Variants in LCOR observed in about 807,000 individuals in gnomAD.
LCOR encodes the protein ligand-dependent corepressor.
In LCOR, 14 loss-of-function variants were observed where a neutral mutation model predicts 64.4. The ratio of observed to expected loss-of-function variants is 0.22; its 90% CI spans 0.14 to 0.34. The LOEUF (loss-of-function observed/expected upper bound fraction) is 0.34, where lower values mean the gene tolerates loss of function less well. LCOR is among the 10% of genes least tolerant of loss of function. The pLI is 1.00. For synonymous variants in LCOR, 643 were observed against 642.5 expected, an observed-to-expected ratio of 1.00 and a Z score of -0.01; for missense variants, 1,686 against 1,765.3, an observed-to-expected ratio of 0.96 and a Z score of 0.80.
chr10:96,851,605 A>T (rs1029386720), intron 2 of LCOR, among the ~76,000 whole-genome samples: 1 of 152,202 alleles, frequency 6.6e-6, no homozygotes, highest in African/African-American at 2.4e-5. Flanking sequence ...GACTTCTAAG[A>T]CAGAAAATGT....
rs886491620 is a variant in LCOR at position 96,903,320 on chromosome 10, G to A, written c.-329-3945G>A. ...ACATTACAATGGCTGTAATCACCAA[G>A]CAGTAGGAATTTTTCAGCTCCGTTA... is the stretch of plus-strand genomic sequence containing the variant. On this transcript the variant is annotated intron_variant, in intron 2 of 7. Coordinates refer to ENST00000421806, the MANE Select transcript of LCOR (RefSeq NM_001346516.2). Among the ~76,000 whole-genome samples the A allele has an allele frequency of 1.1e-4, 17 of 152,144 alleles. 1 individual carries two copies. The highest frequency in any genetic ancestry group is 8.5e-4 in the Admixed American group (13 of 15,270).
chr10:96,862,258 A>G (rs1254529154), intron 2 of LCOR, among the ~76,000 whole-genome samples: 2 of 151,910 alleles, frequency 1.3e-5, no homozygotes, highest in East Asian at 1.9e-4. Flanking sequence ...GCTTCGTTAC[A>G]TAGACATGAT....
chr10:96,937,366 C>G (rs368930879), intron 4 of LCOR, among the ~76,000 whole-genome samples: 1 of 152,170 alleles, frequency 6.6e-6, no homozygotes, highest in Non-Finnish European at 1.5e-5. Flanking sequence ...GAGAATAAAT[C>G]TCTGCTGTTT....
At chr10:96,949,569 T>C (rs1847643245) in intron 6 of LCOR, among the ~76,000 whole-genome samples, 1 of 152,228 alleles carries the variant, frequency 6.6e-6, no homozygotes, top group African/African-American at 2.4e-5. Flanking sequence ...GATATTTATA[T>C]AAGCATTTTA....
In LCOR at chr10:96,994,346, C is replaced by A. The variant is rs996603075; in HGVS notation, c.*9212C>A. 1 of 152,210 alleles carries A rather than the reference C, an allele frequency of 6.6e-6. No homozygotes were observed. Among genetic ancestry groups the A allele is most frequent in the Non-Finnish European group, 1.5e-5 (1 of 68,050 alleles). The allele number at this position is 152,210 out of a possible 1,614,324, so 9.4% of individuals were successfully genotyped here. ...ACCATGTAGGTCAGTATAAAGAGGG[C>A]AGTCACTCCTCCATTTCTCCCAGCG... On this transcript the variant is annotated 3_prime_UTR_variant, in exon 8 of 8. Coordinates refer to ENST00000421806, the MANE Select transcript of LCOR (RefSeq NM_001346516.2).
chr10:96,915,368 A>G (rs1353141422), intron 4 of LCOR, among the ~76,000 whole-genome samples: 1 of 152,084 alleles, frequency 6.6e-6, no homozygotes, highest in African/African-American at 2.4e-5. Flanking sequence ...AAAATACAAA[A>G]AAATTAGCCA....
At chr10:96,844,296 A>G (rs1845591554) in intron 2 of LCOR, among the ~76,000 whole-genome samples, 1 of 151,500 alleles carries the variant, frequency 6.6e-6, no homozygotes, top group African/African-American at 2.4e-5. Context: ...GACTATGGGT[A>G]TACTCCATGG....
chr10:96,914,662 G>T (rs1325865313), intron 4 of LCOR, among the ~76,000 whole-genome samples: 1 of 152,166 alleles, frequency 6.6e-6, no homozygotes, highest in African/African-American at 2.4e-5. Flanking sequence ...TTCTTCAGTG[G>T]ACTACCAAAA....
At chr10:96,965,211 A>G (rs777723077) in intron 7 of LCOR, among the ~76,000 whole-genome samples, 27 of 151,016 alleles carry the variant, frequency 1.8e-4, no homozygotes, top group Non-Finnish European at 3.0e-4. Flanking sequence ...GAGTTTCACA[A>G]TGTTAGCCAG....
intron 2 of LCOR, among the ~76,000 whole-genome samples, chr10:96,841,782 T>C (rs531724516): frequency 2.2e-4 from 33 of 151,840 alleles, no homozygotes; most frequent in Non-Finnish European, 3.4e-4. Context: ...TAAAAAAATA[T>C]AGAGATGAGG....
At chr10:96,842,660 TG>T (rs1359214519) in intron 2 of LCOR, among the ~76,000 whole-genome samples, 2 of 150,442 alleles carry the variant, frequency 1.3e-5, no homozygotes, top group African/African-American at 4.9e-5. Flanking sequence ...AGACTGAGTC[TG>T]GCTCCGTCAC....
chr10:96,881,458 T>G (rs1375380049), intron 2 of LCOR, among the ~76,000 whole-genome samples: 3 of 146,578 alleles, frequency 2.0e-5, no homozygotes, highest in Non-Finnish European at 4.5e-5. Context: ...TGTTGTTGTT[T>G]TTTGTTTTTT....
intron 2 of LCOR, among the ~76,000 whole-genome samples, chr10:96,872,270 TA>T (rs1332564552): frequency 2.0e-5 from 3 of 152,272 alleles, no homozygotes; most frequent in Non-Finnish European, 2.9e-5. Context: ...AAATTTCAAA[TA>T]TACCATCGGT....
chr10:96,915,938 C>T (rs1007344712), intron 4 of LCOR: 14 of 372,286 alleles, frequency 3.8e-5, no homozygotes, highest in Non-Finnish European at 5.7e-5. Flanking sequence ...AGGTGCTAGG[C>T]GCAGGATGCA....
chr10:96,934,030 A>G (rs988308586), intron 4 of LCOR, among the ~76,000 whole-genome samples: 2 of 152,204 alleles, frequency 1.3e-5, no homozygotes, highest in Non-Finnish European at 2.9e-5. Context: ...TCAGGAAAAA[A>G]GTTGTGATGT....
At chr10:96,842,177 C>T (rs914877269) in intron 2 of LCOR, among the ~76,000 whole-genome samples, 3 of 151,934 alleles carry the variant, frequency 2.0e-5, no homozygotes, top group African/African-American at 4.8e-5. Context: ...GGGTGGATCA[C>T]GAGGTCAAGA....
intron 2 of LCOR, among the ~76,000 whole-genome samples, chr10:96,889,340 C>T (rs1218488184): frequency 6.6e-6 from 1 of 152,188 alleles, no homozygotes; most frequent in East Asian, 1.9e-4. Context: ...GTTGCCATAA[C>T]CAAAATACCA....
rs1848140397 is a variant in LCOR, at chr10:96,985,352, G to T, written c.*218G>T. 1 of 487,524 alleles carries T rather than the reference G, an allele frequency of 2.1e-6. No homozygotes were observed. The highest frequency in any genetic ancestry group is 3.4e-6 in the Non-Finnish European group (1 of 296,758). 30.2% of individuals were successfully genotyped at this position (487,524 alleles called of 1,614,324 possible). On this transcript the variant is annotated 3_prime_UTR_variant, in exon 8 of 8. Transcript: ENST00000421806. ...GGAAGTTATATATTATATTCTGGTT[G>T]TTCCTTGGGTTTTAAACTTGGAACC...
intron 4 of LCOR, among the ~76,000 whole-genome samples, chr10:96,909,616 G>T (rs573171902): frequency 2.1e-4 from 32 of 152,284 alleles, no homozygotes; most frequent in Admixed American, 3.9e-4. Context: ...CTATTTATCT[G>T]TGTTGGCAAG....
Sources: gnomAD v4.1 joint callset for allele counts (sites outside exome capture counted in the v4.1 genomes callset) on GRCh38, gnomAD v4.1.1 for gene constraint, MANE v1.5 for transcripts, NCBI Gene and HGNC (gene_info 2026-07-23, HGNC 2026-07-21) for gene names.